The following NAALADL2 variants were observed in gnomAD, a reference collection of about 807,000 sequenced individuals.
NAALADL2 encodes N-acetylated alpha-linked acidic dipeptidase like 2, also known as inactive N-acetylated-alpha-linked acidic dipeptidase-like protein 2.
A neutral mutation model predicts 87.2 loss-of-function variants in NAALADL2; 76 were observed. The observed-to-expected ratio is 0.87, with a 90% CI of 0.72 to 1.05. The LOEUF is 1.05. Among genes scored for constraint, NAALADL2 ranks in the 50% least tolerant of loss-of-function variants. The pLI is 0.00. For synonymous variants in NAALADL2, 354 were observed against 331.0 expected, an observed-to-expected ratio of 1.07 and a Z score of -0.75; for missense variants, 1,089 against 945.8, an observed-to-expected ratio of 1.15 and a Z score of -1.99.
chr3:175,282,914 T>A (rs77563676), intron 4 of NAALADL2, among the ~76,000 whole-genome samples: 1 of 150,756 alleles, frequency 6.6e-6, no homozygotes, highest in South Asian at 2.1e-4. Flanking sequence ...CTGTCTTCTT[T>A]TTTTTTTTTT....
intron 1 of NAALADL2, among the ~76,000 whole-genome samples, chr3:174,534,734 G>A (rs1476268725): frequency 8.5e-5 from 13 of 152,090 alleles, no homozygotes; most frequent in Admixed American, 3.3e-4. Context: ...AATCAGGATC[G>A]TCTTAAACCT....
intron 1 of NAALADL2, among the ~76,000 whole-genome samples, chr3:174,993,927 G>A (rs1579917340): frequency 6.6e-6 from 1 of 152,000 alleles, no homozygotes; most frequent in Non-Finnish European, 1.5e-5. Context: ...TCAGTCTCTG[G>A]GATCCATGAT....
chr3:175,475,296 A>T lies in NAALADL2; in HGVS notation c.1653+3538A>T, dbSNP rs572044415. Among the ~76,000 whole-genome samples, 12 of 152,260 alleles carry T rather than the reference A, an allele frequency of 7.9e-5. No individual in the cohort carries two copies. In the South Asian group the frequency reaches 2.5e-3, roughly 32 times the overall value. On this transcript the variant is annotated intron_variant, in intron 9 of 13. Transcript: ENST00000454872. ...TGAGTGACCTCTTAGTGAAACACAA[A>T]TGCCTTCATGCAAAGTAGATTATGA...
chr3:175,490,948 T>C (rs552229049), intron 9 of NAALADL2, among the ~76,000 whole-genome samples: 1 of 152,276 alleles, frequency 6.6e-6, no homozygotes, highest in African/African-American at 2.4e-5. Flanking sequence ...TTTAGAATGT[T>C]GATATATAAT....
chr3:175,749,665 A>G (rs528178166), intron 12 of NAALADL2, among the ~76,000 whole-genome samples: 2 of 152,340 alleles, frequency 1.3e-5, no homozygotes, highest in African/African-American at 4.8e-5. Flanking sequence ...TTCCAATGCC[A>G]TTACACTGAC....
At chr3:175,473,112 A>G (rs898819379) in intron 9 of NAALADL2, among the ~76,000 whole-genome samples, 1 of 152,168 alleles carries the variant, frequency 6.6e-6, no homozygotes, top group African/African-American at 2.4e-5. Flanking sequence ...GTTAATTATT[A>G]AGAAGTATTA....
chr3:175,698,503 A>ATATATAT (rs1491393693), intron 11 of NAALADL2, among the ~76,000 whole-genome samples: 12 of 141,316 alleles, frequency 8.5e-5, no homozygotes, highest in South Asian at 2.1e-4. Context: ...ATATATATAT[A>ATATATAT]AAATCTCCAA....
chr3:175,442,964 C>T (rs767253271), intron 5 of NAALADL2, among the ~76,000 whole-genome samples: 15 of 152,204 alleles, frequency 9.9e-5, no homozygotes, highest in African/African-American at 2.4e-4. Flanking sequence ...TTCATAAATA[C>T]GCTTTAAAAT....
At chr3:174,987,787 T>A (rs1309237412) in intron 1 of NAALADL2, among the ~76,000 whole-genome samples, 2 of 139,580 alleles carry the variant, frequency 1.4e-5, no homozygotes, top group African/African-American at 5.8e-5. Flanking sequence ...CTACCATACC[T>A]GGTTAATTAT....
intron 11 of NAALADL2, among the ~76,000 whole-genome samples, chr3:175,646,094 G>C: frequency 6.6e-6 from 1 of 152,042 alleles, no homozygotes; most frequent in East Asian, 1.9e-4. Context: ...AATTATAAAC[G>C]GAAATATAAA....
intron 1 of NAALADL2, among the ~76,000 whole-genome samples, chr3:174,917,108 G>A (rs75423521): frequency 0.04 from 6,115 of 152,052 alleles, 211 homozygotes; most frequent in Non-Finnish European, 0.053. Context: ...ATTTAACTTT[G>A]TTTCAGCAAT....
At chr3:174,526,531 G>T (rs1720763567) in intron 1 of NAALADL2, among the ~76,000 whole-genome samples, 1 of 152,080 alleles carries the variant, frequency 6.6e-6, no homozygotes, top group South Asian at 2.1e-4. Flanking sequence ...ACTATTATTT[G>T]TGGTAAATGG....
At chr3:175,780,414 AC>A (rs2150210702) in intron 13 of NAALADL2, among the ~76,000 whole-genome samples, 1 of 152,334 alleles carries the variant, frequency 6.6e-6, no homozygotes, top group South Asian at 2.1e-4. Flanking sequence ...ATTTGCATAT[AC>A]ATGTATTTTT....
intron 1 of NAALADL2, among the ~76,000 whole-genome samples, chr3:174,869,525 T>A (rs896226486): frequency 2.8e-4 from 43 of 152,142 alleles, no homozygotes; most frequent in Non-Finnish European, 5.3e-4. Flanking sequence ...GTGAGTGTAA[T>A]GACAAATTCG....
chr3:174,985,153 ATTGT>A (rs1330458567), intron 1 of NAALADL2, among the ~76,000 whole-genome samples: 2 of 152,198 alleles, frequency 1.3e-5, no homozygotes, highest in Non-Finnish European at 2.9e-5. Flanking sequence ...AACCACAAAC[ATTGT>A]TTGATATTCA....
At chr3:174,670,314 C>G (rs904276831) in intron 2 of NAALADL2, among the ~76,000 whole-genome samples, 3 of 151,820 alleles carry the variant, frequency 2.0e-5, no homozygotes, top group Non-Finnish European at 4.4e-5. Context: ...TCACATACAC[C>G]CATTATTGTT....
chr3:175,024,269 A>G (rs1241099993), intron 1 of NAALADL2, among the ~76,000 whole-genome samples: 2 of 152,100 alleles, frequency 1.3e-5, no homozygotes, highest in Non-Finnish European at 2.9e-5. Flanking sequence ...CAAGTACCCT[A>G]TGATTAATAT....
intron 2 of NAALADL2, among the ~76,000 whole-genome samples, chr3:174,733,925 T>G (rs894131667): frequency 6.6e-6 from 1 of 152,116 alleles, no homozygotes; most frequent in African/African-American, 2.4e-5. Flanking sequence ...TTTGATACTT[T>G]TTGAGAGGCC....
In NAALADL2 at chr3:175,471,770, C is replaced by T. The variant is rs1226178823; in HGVS notation, c.1653+12C>T. On this transcript the variant is annotated intron_variant, in intron 9 of 13. Transcript: ENST00000454872. ...AACTGGTAGTAGAGGTAAGACAAAC[C>T]ACTATTGTATCAAATGATTATGCAA... 1 of 1,590,328 alleles carries T rather than the reference C, an allele frequency of 6.3e-7. No homozygotes were observed. Among genetic ancestry groups the T allele is most frequent in the Non-Finnish European group, 8.5e-7 (1 of 1,171,250 alleles).
Sources: allele counts gnomAD v4.1 joint callset (sites outside exome capture counted in the v4.1 genomes callset), GRCh38; gene constraint gnomAD v4.1.1; transcripts MANE v1.5; gene names NCBI Gene and HGNC (gene_info 2026-07-23, HGNC 2026-07-21).